Variants in STXBP5L observed in about 807,000 individuals in gnomAD.
STXBP5L encodes syntaxin-binding protein 5-like.
Under a neutral mutation model 144.5 loss-of-function variants are expected in STXBP5L, and 65 were observed. The ratio of observed to expected loss-of-function variants is 0.45; its 90% confidence interval spans 0.37 to 0.55. The LOEUF (loss-of-function observed/expected upper bound fraction) is 0.55, where lower values mean the gene tolerates loss of function less well. STXBP5L is among the 20% of genes least tolerant of loss of function. The probability of loss-of-function intolerance (pLI) is 0.00; values close to 1 mark genes in which losing one functional copy is unlikely to be tolerated. For missense variants in STXBP5L, 1,298 were observed against 1,405.5 expected (o/e 0.92, Z 1.22); for synonymous variants, 505 against 469.6 (o/e 1.08, Z -0.97).
At chr3:121,053,667 C>CA (rs1948212607) in intron 5 of STXBP5L, among the ~76,000 whole-genome samples, 1 of 152,188 alleles carries the variant, frequency 6.6e-6, no homozygotes, top group South Asian at 2.1e-4. Flanking sequence ...CCATTCAGGA[C>CA]ATAGGCATGG....
intron 20 of STXBP5L, among the ~76,000 whole-genome samples, chr3:121,345,242 G>A (rs2044909767): frequency 1.3e-5 from 2 of 152,002 alleles, no homozygotes; most frequent in South Asian, 2.1e-4. Flanking sequence ...TCCCACCTAT[G>A]AGTGAGAACA....
intron 19 of STXBP5L, among the ~76,000 whole-genome samples, chr3:121,307,593 C>T (rs1022101018): frequency 9.2e-5 from 14 of 151,774 alleles, no homozygotes; most frequent in African/African-American, 3.1e-4. Context: ...AACCAGTAAA[C>T]TTGAAAATAG....
chr3:121,168,575 G>A (rs1490463682), intron 9 of STXBP5L, among the ~76,000 whole-genome samples: 15 of 152,130 alleles, frequency 9.9e-5, no homozygotes, highest in Admixed American at 5.9e-4. Context: ...CTGATCAAGT[G>A]TAAGACAGGA....
intron 3 of STXBP5L, among the ~76,000 whole-genome samples, chr3:120,969,198 C>T (rs1396546560): frequency 2.6e-5 from 4 of 151,922 alleles, no homozygotes; most frequent in Non-Finnish European, 5.9e-5. Context: ...TCCATGCCAA[C>T]ATCTATTTTT....
intron 22 of STXBP5L, among the ~76,000 whole-genome samples, chr3:121,386,660 T>A (rs906099011): frequency 2.0e-5 from 3 of 152,184 alleles, no homozygotes; most frequent in Admixed American, 2.0e-4. Flanking sequence ...GTGTTTGGTT[T>A]TCTGTCCTTG....
At chr3:121,170,954 T>C (rs897168618) in intron 9 of STXBP5L, among the ~76,000 whole-genome samples, 9 of 152,114 alleles carry the variant, frequency 5.9e-5, no homozygotes, top group Non-Finnish European at 8.8e-5. Context: ...AAAATACTGG[T>C]AAACCGAATC....
chr3:121,333,107 C>T (rs1057187311), intron 20 of STXBP5L, among the ~76,000 whole-genome samples: 1 of 152,074 alleles, frequency 6.6e-6, no homozygotes, highest in African/African-American at 2.4e-5. Flanking sequence ...AACCAAAGGT[C>T]AATATGCACC....
chr3:121,146,799 A>G (rs191566999), intron 7 of STXBP5L, among the ~76,000 whole-genome samples: 1 of 152,216 alleles, frequency 6.6e-6, no homozygotes, highest in East Asian at 1.9e-4. Context: ...CTAAATTTGT[A>G]TATGCCTAAT....
intron 3 of STXBP5L, among the ~76,000 whole-genome samples, chr3:120,974,009 C>G (rs1226449603): frequency 1.3e-5 from 2 of 152,112 alleles, no homozygotes; most frequent in Admixed American, 1.3e-4. Flanking sequence ...CATACGTGTG[C>G]ATGTGTCTTT....
intron 3 of STXBP5L, among the ~76,000 whole-genome samples, chr3:121,021,641 TTAAA>T (rs891834645): frequency 2.6e-5 from 4 of 152,214 alleles, no homozygotes; most frequent in South Asian, 4.1e-4. Flanking sequence ...ATAATGGAAA[TTAAA>T]TAACCTATTC....
chr3:121,130,649 C>A (rs1220411167), intron 7 of STXBP5L, among the ~76,000 whole-genome samples: 4 of 152,026 alleles, frequency 2.6e-5, no homozygotes, highest in East Asian at 3.9e-4. Context: ...TAAGGGCTAA[C>A]CCTGAATGAC....
chr3:120,924,360 C>T (rs372170450), intron 2 of STXBP5L, among the ~76,000 whole-genome samples: 5 of 152,010 alleles, frequency 3.3e-5, no homozygotes, highest in African/African-American at 1.2e-4. Context: ...AGGCATAAGA[C>T]TTCTATTTAT....
chr3:121,110,805 G>T (rs992986647), intron 5 of STXBP5L, among the ~76,000 whole-genome samples: 1 of 152,146 alleles, frequency 6.6e-6, no homozygotes, highest in Non-Finnish European at 1.5e-5. Context: ...TCTTGTGGAT[G>T]ATATCTTGAA....
chr3:121,350,086 G>T (rs561489602), intron 20 of STXBP5L, among the ~76,000 whole-genome samples: 30 of 152,246 alleles, frequency 2.0e-4, no homozygotes, highest in African/African-American at 7.2e-4. Flanking sequence ...TGTTTTTGCA[G>T]TGGCTGGTAC....
chr3:121,062,696 T>C (rs2041343873), intron 5 of STXBP5L, among the ~76,000 whole-genome samples: 1 of 152,184 alleles, frequency 6.6e-6, no homozygotes, highest in Admixed American at 6.5e-5. Flanking sequence ...CTTGGAGGTT[T>C]TGTTCATTCC....
intron 22 of STXBP5L, among the ~76,000 whole-genome samples, chr3:121,381,758 A>T (rs1262798578): frequency 6.6e-6 from 1 of 152,122 alleles, no homozygotes; most frequent in African/African-American, 2.4e-5. Flanking sequence ...AAACTGTGTA[A>T]GTGCCAACCT....
At chr3:121,174,945 A>G (rs2046874912) in intron 9 of STXBP5L, among the ~76,000 whole-genome samples, 1 of 152,134 alleles carries the variant, frequency 6.6e-6, no homozygotes, top group Admixed American at 6.6e-5. Flanking sequence ...GAACAGGAAA[A>G]AAAACCCAGA....
chr3:121,402,155 C>T (rs2046893319), intron 22 of STXBP5L, among the ~76,000 whole-genome samples: 1 of 152,092 alleles, frequency 6.6e-6, no homozygotes. Context: ...TAAGACTGAA[C>T]TGGAGTAGTC....
chr3:121,283,628 C>T (rs2051132985), intron 19 of STXBP5L, among the ~76,000 whole-genome samples: 1 of 151,932 alleles, frequency 6.6e-6, no homozygotes, highest in Non-Finnish European at 1.5e-5. Flanking sequence ...TCCTTAAATG[C>T]TTTCACACTA....
Sources: allele counts gnomAD v4.1 joint callset (sites outside exome capture counted in the v4.1 genomes callset), GRCh38; gene constraint gnomAD v4.1.1; transcripts MANE v1.5; gene names NCBI Gene and HGNC (gene_info 2026-07-23, HGNC 2026-07-21).